Variants in USP32 observed in about 807,000 individuals in gnomAD.
USP32 encodes the protein ubiquitin carboxyl-terminal hydrolase 32.
USP32 carries 59 observed loss-of-function variants against 204.8 expected under a neutral mutation model. The observed-to-expected ratio is 0.29, with a 90% CI of 0.23 to 0.36. The LOEUF (loss-of-function observed/expected upper bound fraction) is 0.36, where lower values mean the gene tolerates loss of function less well. Among genes scored for constraint, USP32 ranks in the 10% least tolerant of loss-of-function variants. The pLI is 1.00. For synonymous variants in USP32, 517 were observed against 678.4 expected (o/e 0.76, Z 3.70); for missense variants, 1,160 against 1,946.4 (o/e 0.60, Z 7.60).
intron 2 of USP32, among the ~76,000 whole-genome samples, chr17:60,303,017 AAT>A (rs2087624904): frequency 6.6e-6 from 1 of 152,112 alleles, no homozygotes; most frequent in South Asian, 2.1e-4. Flanking sequence ...GAAAACTGAA[AAT>A]ATATATTAGT....
chr17:60,345,405 C>A (rs1376353926), intron 2 of USP32, 76 bp downstream of exon 2: 39 of 1,570,212 alleles, frequency 2.5e-5, no homozygotes, highest in Admixed American at 5.9e-5. Context: ...CTGTTAAGAG[C>A]AGAAGGCCCC....
chr17:60,181,433 C>A lies in USP32; in HGVS notation c.4439G>T (p.Gly1480Val), dbSNP rs144457236. The A allele has an allele frequency of 1.2e-4, 201 of 1,614,012 alleles. 1 individual carries two copies. The highest frequency in any genetic ancestry group is 1.7e-4 in the Non-Finnish European group (198 of 1,179,874). Residue 1480 changes from glycine (G) to valine (V), a missense_variant, in exon 32 of 34, where the codon GGC becomes GTC. By Grantham distance (109) the Gly-to-Val change is moderately radical. This residue lies in a region of USP32 where 244 missense variants were observed against 342.3 expected (regional missense o/e 0.71). Coordinates refer to ENST00000300896, the MANE Select transcript of USP32 (RefSeq NM_032582.4). Reference protein sequence around the residue: ...NGFLYEHEACGNGYSNGQLGN... With the variant: ...NGFLYEHEACVNGYSNGQLGN... ...AAGCTGACCATTGCTGTAGCCATTG[C>A]CACATGCTTCATGCTCATAAAGGAA...
At chr17:60,190,539 T>G (rs778881063) in intron 29 of USP32, 24 bp downstream of exon 29, 12 of 1,526,696 alleles carry the variant, frequency 7.9e-6, no homozygotes, top group Non-Finnish European at 9.6e-6. Flanking sequence ...AAACCACCAT[T>G]TTATGGTGGC....
In USP32 at chr17:60,178,733, A is replaced by T. The variant is rs1486301107; in HGVS notation, c.*522T>A. On this transcript the variant is annotated 3_prime_UTR_variant, in exon 34 of 34. Coordinates refer to ENST00000300896, the MANE Select transcript of USP32 (RefSeq NM_032582.4). The stretch of plus-strand genomic sequence containing the variant: ...AACAGTTTAAAAAATAAATTGAAAA[A>T]TCCTCGTCCATGCCTTAAGAATCAT... Among the ~76,000 whole-genome samples, 1 of 152,212 alleles carries T rather than the reference A, an allele frequency of 6.6e-6. No individual in the cohort carries two copies.
chr17:60,190,388 T>G (rs374928984), intron 29 of USP32, among the ~76,000 whole-genome samples, 175 bp downstream of exon 29: 5 of 152,018 alleles, frequency 3.3e-5, no homozygotes, highest in African/African-American at 7.2e-5. Context: ...ACTCCAGAAG[T>G]TGGAAAATGA....
intron 8 of USP32, 105 bp from the exon 9 acceptor site, chr17:60,265,579 G>A: frequency 1.3e-6 from 1 of 761,946 alleles, no homozygotes; most frequent in Non-Finnish European, 2.1e-6. Context: ...TGCTTTTCTT[G>A]TAGAGATGGG....
At position 60,315,869 on chromosome 17, in the gene USP32, T is replaced by C. The variant is rs200134145; in HGVS notation, c.187-14165A>G. On this transcript the variant is annotated intron_variant, in intron 2 of 33. Coordinates refer to ENST00000300896, the MANE Select transcript of USP32 (RefSeq NM_032582.4). ...AAACAGATTGCCTGCAAACTGACCA[T>C]GGTAAAGCACCCACGAAGTAACTAG... 8.4e-5 allele frequency: 13 copies of C among 155,654 alleles called. No individual in the cohort carries two copies. In the East Asian group the frequency reaches 2.1e-3, roughly 25 times the overall value. The allele number at this position is 155,654 out of a possible 1,614,324, so 9.6% of individuals were successfully genotyped here.
intron 2 of USP32, among the ~76,000 whole-genome samples, chr17:60,307,087 A>AT (rs907203390): frequency 1.3e-5 from 2 of 151,080 alleles, no homozygotes; most frequent in African/African-American, 4.9e-5. Flanking sequence ...GGAATAATTA[A>AT]TTTTTTTTCC....
intron 11 of USP32, among the ~76,000 whole-genome samples, chr17:60,242,214 T>C (rs923578980): frequency 6.6e-6 from 1 of 152,154 alleles, no homozygotes; most frequent in Non-Finnish European, 1.5e-5. Flanking sequence ...AGCCGTGAAC[T>C]CCTGGGCTTA....
intron 27 of USP32, among the ~76,000 whole-genome samples, chr17:60,195,946 T>C (rs2084502971): frequency 6.6e-6 from 1 of 152,190 alleles, no homozygotes; most frequent in Non-Finnish European, 1.5e-5. Context: ...CATTAAATGG[T>C]ACCACCATTC....
At chr17:60,242,522 T>C (rs1318463989) in intron 11 of USP32, among the ~76,000 whole-genome samples, 1 of 152,226 alleles carries the variant, frequency 6.6e-6, no homozygotes, top group Non-Finnish European at 1.5e-5. Flanking sequence ...GTGATTCTCC[T>C]GCCTTAGCCT....
intron 2 of USP32, among the ~76,000 whole-genome samples, chr17:60,309,262 T>G (rs2087798749): frequency 6.6e-6 from 1 of 152,046 alleles, no homozygotes; most frequent in African/African-American, 2.4e-5. Flanking sequence ...ATAATCAGAC[T>G]GTATAAGGAG....
At chr17:60,305,202 T>G (rs2087692575) in intron 2 of USP32, 1 of 152,284 alleles carries the variant, frequency 6.6e-6, no homozygotes, top group African/African-American at 2.4e-5. Flanking sequence ...TTCTGCAGCC[T>G]GTATAAGCAT....
chr17:60,209,870 C>T (rs146857227), intron 21 of USP32, among the ~76,000 whole-genome samples: 3,212 of 152,162 alleles, frequency 0.021, 134 homozygotes, highest in African/African-American at 0.073. Context: ...CATTGAAAGA[C>T]ATCCTGTTCT....
chr17:60,385,208 G>A (rs912337743), intron 1 of USP32, among the ~76,000 whole-genome samples: 16 of 151,364 alleles, frequency 1.1e-4, no homozygotes, highest in African/African-American at 3.4e-4. Flanking sequence ...CGTGACCCCC[G>A]CCCCTGCCTG....
At chr17:60,206,199 C>A (rs540351487) in intron 25 of USP32, among the ~76,000 whole-genome samples, 1,588 of 146,710 alleles carry the variant, frequency 0.011, 26 homozygotes, top group African/African-American at 0.04. Flanking sequence ...CGTTTGTAGT[C>A]CCAGCTACTT....
chr17:60,209,003 T>C (rs2084897860), intron 22 of USP32, among the ~76,000 whole-genome samples, 175 bp from the exon 23 acceptor site: 1 of 152,166 alleles, frequency 6.6e-6, no homozygotes, highest in Admixed American at 6.5e-5. Flanking sequence ...TCATTTGTTC[T>C]TATCAAGGTA....
intron 2 of USP32, among the ~76,000 whole-genome samples, chr17:60,343,248 CAGA>C (rs1454194567): frequency 6.6e-6 from 1 of 152,088 alleles, no homozygotes; most frequent in Non-Finnish European, 1.5e-5. Context: ...ATCAACGAGA[CAGA>C]AGGTTAACAA....
chr17:60,246,389 A>ATG (rs1415184968), intron 11 of USP32, among the ~76,000 whole-genome samples: 16 of 150,742 alleles, frequency 1.1e-4, no homozygotes, highest in African/African-American at 2.4e-4. Context: ...TTTATTGTGT[A>ATG]TGTGTGTGTG....
Sources: allele counts gnomAD v4.1 joint callset (sites outside exome capture counted in the v4.1 genomes callset), GRCh38; gene constraint gnomAD v4.1.1; regional missense constraint gnomAD v4.1.1; transcripts MANE v1.5; gene names NCBI Gene and HGNC (gene_info 2026-07-23, HGNC 2026-07-21).